The following TTLL11 variants were observed in gnomAD, a reference collection of about 807,000 sequenced individuals.
TTLL11 encodes tubulin polyglutamylase TTLL11.
A neutral mutation model predicts 51.7 loss-of-function variants in TTLL11; 42 were observed. That is an observed-to-expected ratio of 0.81 (90% confidence interval 0.64 to 1.05). The LOEUF is 1.05. Ranked by LOEUF, TTLL11 falls within the 50% of genes least tolerant of loss-of-function variation. The probability of loss-of-function intolerance (pLI) is 0.00; values close to 1 mark genes in which losing one functional copy is unlikely to be tolerated. For missense variants in TTLL11, 799 were observed against 940.4 expected, an observed-to-expected ratio of 0.85 and a Z score of 1.97; for synonymous variants, 381 against 383.5, an observed-to-expected ratio of 0.99 and a Z score of 0.08.
chr9:121,834,257 T>A (rs546290962), intron 8 of TTLL11, among the ~76,000 whole-genome samples: 3 of 152,034 alleles, frequency 2.0e-5, no homozygotes, highest in Non-Finnish European at 4.4e-5. Flanking sequence ...TTGACCACAA[T>A]CTCTCTAGGC....
At chr9:122,001,332 G>C (rs566356410) in intron 3 of TTLL11, among the ~76,000 whole-genome samples, 33 of 152,288 alleles carry the variant, frequency 2.2e-4, no homozygotes, top group Admixed American at 3.3e-4. Flanking sequence ...CTGACCTCAG[G>C]TGATCCACCC....
chr9:122,007,484 A>G lies in TTLL11; in HGVS notation c.694-17714T>C, dbSNP rs10985481. 1.5e-3 allele frequency among the ~76,000 whole-genome samples: 172 copies of G among 115,760 alleles called. 4 individuals are homozygous for G. The East Asian group carries it at 0.028, about 19-fold the overall frequency. The allele number at this position is 115,760 out of a possible 152,430, so 75.9% of individuals were successfully genotyped here. The stretch of plus-strand genomic sequence containing the variant: ...GAGTGAAATTCCATCTCAAAAAAAA[A>G]AAAAAAGAAAAAAGAAAAGAAAAAA... On this transcript the variant is annotated intron_variant, in intron 3 of 8. Coordinates refer to ENST00000321582, the MANE Select transcript of TTLL11 (RefSeq NM_001139442.2).
chr9:121,839,909 C>T (rs780021380), intron 8 of TTLL11, among the ~76,000 whole-genome samples: 19 of 152,136 alleles, frequency 1.2e-4, no homozygotes, highest in African/African-American at 2.9e-4. Flanking sequence ...CCATTTGGAG[C>T]GGTGACAGGA....
chr9:121,917,553 A>AAAAG (rs553060411), intron 6 of TTLL11, among the ~76,000 whole-genome samples: 290 of 145,010 alleles, frequency 2.0e-3, no homozygotes, highest in African/African-American at 4.7e-3. Context: ...AAGAAAAAGA[A>AAAAG]AAAGAAAGAA....
At chr9:122,068,630 G>T (rs1206335381) in intron 1 of TTLL11, among the ~76,000 whole-genome samples, 1 of 152,180 alleles carries the variant, frequency 6.6e-6, no homozygotes, top group African/African-American at 2.4e-5. Flanking sequence ...AATGCACTCA[G>T]CTAGTAAGAA....
In TTLL11 at chr9:121,826,217, T is replaced by TATATATATACACACAC. The variant is rs1491163835; in HGVS notation, c.1841-3339_1841-3338insGTGTGTGTATATATAT. Reference sequence around the variant, plus strand: ...ATATATATATATATATATATATATATGCACACATATATATATACACGCACA... The same window carrying TATATATATACACACAC: ...ATATATATATATATATATATATATATATATATATACACACACGCACACATATATATATACACGCACA... On this transcript the variant is annotated intron_variant, in intron 8 of 8. Coordinates refer to ENST00000321582, the MANE Select transcript of TTLL11 (RefSeq NM_001139442.2). Among the ~76,000 whole-genome samples, 50 of 58,102 alleles carry TATATATATACACACAC rather than the reference T, an allele frequency of 8.6e-4. 2 individuals are homozygous for TATATATATACACACAC. The highest frequency in any genetic ancestry group is 3.1e-3 in the African/African-American group (42 of 13,474). 38.1% of individuals were successfully genotyped at this position (58,102 alleles called of 152,430 possible). A position where few individuals can be genotyped will look rare whatever the true frequency, so the allele number is the denominator to read the frequency against.
At chr9:122,063,180 G>A (rs1845483965) in intron 1 of TTLL11, among the ~76,000 whole-genome samples, 1 of 152,058 alleles carries the variant, frequency 6.6e-6, no homozygotes. Context: ...GTGTCTTTTT[G>A]AAAGCCATTT....
intron 6 of TTLL11, among the ~76,000 whole-genome samples, chr9:121,936,073 G>C (rs921059418): frequency 6.6e-6 from 1 of 152,150 alleles, no homozygotes; most frequent in Non-Finnish European, 1.5e-5. Flanking sequence ...GGGTGGTTTG[G>C]CCAACTCAGT....
At chr9:121,958,562 C>G (rs1052289397) in intron 6 of TTLL11, among the ~76,000 whole-genome samples, 4 of 152,128 alleles carry the variant, frequency 2.6e-5, no homozygotes. Flanking sequence ...CCTCCAGCAC[C>G]TCACAGAGGT....
At chr9:122,082,863 C>CA (rs34614472) in intron 1 of TTLL11, among the ~76,000 whole-genome samples, 3 of 151,898 alleles carry the variant, frequency 2.0e-5, no homozygotes, top group Non-Finnish European at 2.9e-5. Flanking sequence ...GCTGTCTCTA[C>CA]AAAAAAATAT....
At chr9:121,856,293 G>A (rs552156840) in intron 8 of TTLL11, among the ~76,000 whole-genome samples, 27 of 152,186 alleles carry the variant, frequency 1.8e-4, no homozygotes, top group Non-Finnish European at 2.9e-4. Context: ...GGTTGGTCTC[G>A]AACTCCTAGC....
chr9:121,951,736 G>A (rs1274942794), intron 6 of TTLL11, among the ~76,000 whole-genome samples: 1 of 152,218 alleles, frequency 6.6e-6, no homozygotes, highest in Non-Finnish European at 1.5e-5. Flanking sequence ...TTCAGGGCGA[G>A]TCCGAGTAAA....
At position 121,822,898 on chromosome 9, in the gene TTLL11, G is replaced by A; in HGVS notation, c.1841-19C>T. ...CACATCCCTGTGAACAAAGAGACTG[G>A]ATGAGGGGGTGCACACAGCTGCCCT... On this transcript the variant is annotated intron_variant, in intron 8 of 8. Coordinates refer to ENST00000321582, the MANE Select transcript of TTLL11 (RefSeq NM_001139442.2). This position sits in a 1 kb window ranked among gnomAD's most constrained non-coding sequence, Gnocchi z 5.8. 2 of 1,538,962 alleles carry A rather than the reference G, an allele frequency of 1.3e-6. No homozygotes were observed. The highest frequency in any genetic ancestry group is 1.8e-6 in the Non-Finnish European group (2 of 1,140,590).
chr9:122,088,772 G>A (rs540061750), intron 1 of TTLL11, among the ~76,000 whole-genome samples: 43 of 152,220 alleles, frequency 2.8e-4, no homozygotes, highest in Non-Finnish European at 5.6e-4. Flanking sequence ...TTGAGAGGCC[G>A]AGGCAGGCAG....
At chr9:122,034,755 C>T (rs749789150) in intron 2 of TTLL11, among the ~76,000 whole-genome samples, 3 of 152,178 alleles carry the variant, frequency 2.0e-5, no homozygotes, top group South Asian at 4.1e-4. Flanking sequence ...CCAGGGCACG[C>T]GTTCCCAGAG....
chr9:121,892,479 C>T (rs1467467745), intron 6 of TTLL11, among the ~76,000 whole-genome samples: 1 of 152,074 alleles, frequency 6.6e-6, no homozygotes, highest in Non-Finnish European at 1.5e-5. Flanking sequence ...CATCAGATTT[C>T]GTGAAACTTA....
intron 1 of TTLL11, among the ~76,000 whole-genome samples, chr9:122,086,053 T>C (rs1303580346): frequency 6.6e-6 from 1 of 152,256 alleles, no homozygotes; most frequent in Non-Finnish European, 1.5e-5. Flanking sequence ...AAACTTCTGC[T>C]GATACAAAAC....
intron 6 of TTLL11, among the ~76,000 whole-genome samples, chr9:121,904,748 C>T (rs1839880331): frequency 6.6e-6 from 1 of 152,250 alleles, no homozygotes; most frequent in Non-Finnish European, 1.5e-5. Flanking sequence ...GACAACCTGA[C>T]CAGGATCCCT....
intron 6 of TTLL11, among the ~76,000 whole-genome samples, chr9:121,952,375 G>C (rs149871233): frequency 1.7e-4 from 26 of 150,294 alleles, no homozygotes; most frequent in Middle Eastern, 3.4e-3. Context: ...GAACCTGGGA[G>C]ACAGAGGTTG....
Sources: allele counts gnomAD v4.1 joint callset (sites outside exome capture counted in the v4.1 genomes callset), GRCh38; gene constraint gnomAD v4.1.1; non-coding constraint Gnocchi (gnomAD v3.1); transcripts MANE v1.5; gene names NCBI Gene and HGNC (gene_info 2026-07-23, HGNC 2026-07-21).